SRGAP3: variants seen among roughly 807,000 people sequenced by gnomAD.
SRGAP3 encodes SLIT-ROBO Rho GTPase-activating protein 3.
SRGAP3 carries 39 observed loss-of-function variants against 121.1 expected under a neutral mutation model. The ratio of observed to expected loss-of-function variants is 0.32; its 90% CI spans 0.25 to 0.42. SRGAP3 has a LOEUF of 0.42. SRGAP3 is among the 10% of genes least tolerant of loss of function. The pLI, the probability that SRGAP3 is intolerant of heterozygous loss-of-function variation, is 1.00. For synonymous variants in SRGAP3, 601 were observed against 570.0 expected, an observed-to-expected ratio of 1.05 and a Z score of -0.77; for missense variants, 1,213 against 1,470.6, an observed-to-expected ratio of 0.82 and a Z score of 2.86.
chr3:9,259,166 C>T (rs1420408706), intron 3 of SRGAP3, among the ~76,000 whole-genome samples: 1 of 152,110 alleles, frequency 6.6e-6, no homozygotes, highest in Non-Finnish European at 1.5e-5. Flanking sequence ...CACAGGCCCA[C>T]CCAGACCACC....
chr3:9,360,763 C>T (rs2030754989), intron 1 of SRGAP3, among the ~76,000 whole-genome samples: 1 of 152,168 alleles, frequency 6.6e-6, no homozygotes, highest in African/African-American at 2.4e-5. Flanking sequence ...GGAATCACCC[C>T]CATGATTCAA....
At chr3:9,359,049 C>T (rs2030663215) in intron 1 of SRGAP3, among the ~76,000 whole-genome samples, 1 of 152,164 alleles carries the variant, frequency 6.6e-6, no homozygotes, top group Non-Finnish European at 1.5e-5. Flanking sequence ...AGAACACGGA[C>T]TTGGATCCTG....
intron 1 of SRGAP3, among the ~76,000 whole-genome samples, chr3:9,194,766 A>G (rs911933343): frequency 2.6e-5 from 4 of 152,266 alleles, no homozygotes; most frequent in African/African-American, 9.6e-5. Context: ...ACCTAATGAC[A>G]GGATGCCACA....
chr3:9,079,656 G>A (rs1417958236), intron 4 of SRGAP3, among the ~76,000 whole-genome samples: 1 of 152,188 alleles, frequency 6.6e-6, no homozygotes, highest in Non-Finnish European at 1.5e-5. Flanking sequence ...AGGGGCCTCT[G>A]CTGGAGCCTG....
In SRGAP3 at chr3:9,200,111, G is replaced by A. The variant is rs142882724; in HGVS notation, c.67+48774C>T. On this transcript the variant is annotated intron_variant, in intron 1 of 21. Coordinates refer to ENST00000383836, the MANE Select transcript of SRGAP3 (RefSeq NM_014850.4). ...ATGCAAGGCATCGCCTGTGTGCTTG[G>A]AGGGGAGCATAGCTACAGCCAAGAA... is the stretch of plus-strand genomic sequence containing the variant. 3.6e-3 allele frequency among the ~76,000 whole-genome samples: 554 copies of A among 152,316 alleles called. 2 individuals carry two copies. The highest frequency in any genetic ancestry group is 0.013 in the African/African-American group (529 of 41,574).
chr3:9,262,786 C>T (rs1278985919), intron 3 of SRGAP3, among the ~76,000 whole-genome samples: 3 of 151,922 alleles, frequency 2.0e-5, no homozygotes, highest in African/African-American at 7.3e-5. Context: ...ACTTTAACAC[C>T]CCACTGTCAA....
intron 7 of SRGAP3, among the ~76,000 whole-genome samples, chr3:9,057,381 C>T (rs2664096): frequency 0.84 from 127,912 of 152,230 alleles, 54,123 homozygotes; most frequent in African/African-American, 0.94. Context: ...CCAAAGTTTA[C>T]GGTCACCAGT....
At chr3:9,165,360 C>G (rs1336136927) in intron 1 of SRGAP3, among the ~76,000 whole-genome samples, 1 of 152,206 alleles carries the variant, frequency 6.6e-6, no homozygotes, top group Non-Finnish European at 1.5e-5. Context: ...ACCTGAAGTG[C>G]ATGAGTCCCT....
Position 9,249,050 on chromosome 3 carries a change from G to T in SRGAP3, c.-99C>A. On this transcript the variant is annotated 5_prime_UTR_variant, in exon 1 of 22. Transcript: ENST00000383836. ...CCCTGGTAATCACACAGCTCTGGTCGATTTCACAGGTTTAGGGACTAATCT... is the reference window on the plus strand; with the variant it reads ...CCCTGGTAATCACACAGCTCTGGTCTATTTCACAGGTTTAGGGACTAATCT... The T allele has an allele frequency of 8.4e-7, 1 of 1,190,048 alleles. No homozygotes were observed. Among genetic ancestry groups the T allele is most frequent in the Non-Finnish European group, 1.2e-6 (1 of 801,018 alleles). The allele number at this position is 1,190,048 out of a possible 1,614,324, so 73.7% of individuals were successfully genotyped here.
chr3:8,985,409 A>G lies in SRGAP3; in HGVS notation c.*110T>C. 1 of 1,537,252 alleles carries G rather than the reference A, an allele frequency of 6.5e-7. No homozygotes were observed. Among genetic ancestry groups the G allele is most frequent in the Non-Finnish European group, 8.7e-7 (1 of 1,149,334 alleles). ...TGCACAGACACACCCTCCCAGACGG[A>G]CCTCTGCCCTCCAAGGCCAGGGTCA... On this transcript the variant is annotated 3_prime_UTR_variant, in exon 22 of 22. Coordinates refer to ENST00000383836, the MANE Select transcript of SRGAP3 (RefSeq NM_014850.4). This position sits in a 1 kb window ranked among gnomAD's most constrained non-coding sequence, Gnocchi z 5.1.
chr3:9,211,324 C>T (rs1053715583), intron 1 of SRGAP3, among the ~76,000 whole-genome samples: 4 of 152,134 alleles, frequency 2.6e-5, no homozygotes, highest in South Asian at 2.1e-4. Flanking sequence ...CCAGCTCCAC[C>T]GCAGCCTGGA....
At chr3:8,986,732 A>AT (rs35536096) in intron 21 of SRGAP3, among the ~76,000 whole-genome samples, 1 of 144,624 alleles carries the variant, frequency 6.9e-6, no homozygotes, top group Non-Finnish European at 1.5e-5. Flanking sequence ...TAATCAGAAA[A>AT]TTTTTTTAAA....
At chr3:9,326,154 T>C (rs1462802535) in exon 3 of SRGAP3, 1 of 151,962 alleles carries the variant, frequency 6.6e-6, no homozygotes, top group Non-Finnish European at 1.5e-5. Flanking sequence ...TCTCAGAAGA[T>C]CCAATCTTTG....
At chr3:9,313,636 C>A (rs1045100834) in intron 3 of SRGAP3, among the ~76,000 whole-genome samples, 1 of 151,706 alleles carries the variant, frequency 6.6e-6, no homozygotes, top group Non-Finnish European at 1.5e-5. Flanking sequence ...AAGATTGCAC[C>A]ACTGCACTCC....
intron 1 of SRGAP3, among the ~76,000 whole-genome samples, chr3:9,185,509 AGTC>A (rs1424338603): frequency 6.6e-6 from 1 of 151,864 alleles, no homozygotes; most frequent in African/African-American, 2.4e-5. Context: ...AATGTTGAGA[AGTC>A]GTTTTTTTCT....
chr3:9,300,408 G>A (rs1252454642), intron 3 of SRGAP3, among the ~76,000 whole-genome samples: 1 of 151,510 alleles, frequency 6.6e-6, no homozygotes, highest in Non-Finnish European at 1.5e-5. Flanking sequence ...CTGTCCTTCT[G>A]TGACGCTTCC....
At chr3:9,058,169 G>A (rs1945923442) in intron 7 of SRGAP3, 82 bp downstream of exon 7, 6 of 1,471,398 alleles carry the variant, frequency 4.1e-6, no homozygotes, top group Non-Finnish European at 5.7e-6. Flanking sequence ...CTTTCTGTAC[G>A]TGCAACCAGG....
chr3:9,250,951 CT>C (rs1953999363), upstream of SRGAP3, among the ~76,000 whole-genome samples: 1 of 152,228 alleles, frequency 6.6e-6, no homozygotes, highest in African/African-American at 2.4e-5. Context: ...GTATTGGCCC[CT>C]GACTGTCCCC....
intron 10 of SRGAP3, among the ~76,000 whole-genome samples, chr3:9,045,236 A>G (rs1310431872): frequency 3.9e-5 from 6 of 152,156 alleles, no homozygotes; most frequent in East Asian, 1.9e-4. Flanking sequence ...CAGTCTATCA[A>G]GAACCATCCA....
Sources: gnomAD v4.1 joint callset for allele counts (sites outside exome capture counted in the v4.1 genomes callset) on GRCh38, gnomAD v4.1.1 for gene constraint, Gnocchi (gnomAD v3.1) non-coding constraint, MANE v1.5 for transcripts, NCBI Gene and HGNC (gene_info 2026-07-23, HGNC 2026-07-21) for gene names.